The following RASGRP3 variants were observed in gnomAD, a reference collection of about 807,000 sequenced individuals.
The protein encoded by RASGRP3 is RAS guanyl releasing protein 3, also known as ras guanyl-releasing protein 3.
A neutral mutation model predicts 82.7 loss-of-function variants in RASGRP3; 54 were observed. That is an observed-to-expected ratio of 0.65 (90% confidence interval 0.52 to 0.82). The LOEUF (loss-of-function observed/expected upper bound fraction) is 0.82, where lower values mean the gene tolerates loss of function less well. Ranked by LOEUF, RASGRP3 falls within the 40% of genes least tolerant of loss-of-function variation. The probability of loss-of-function intolerance (pLI) is 0.00; values close to 1 mark genes in which losing one functional copy is unlikely to be tolerated. For missense variants in RASGRP3, 861 were observed against 828.9 expected (o/e 1.04, Z -0.48); for synonymous variants, 309 against 300.5 (o/e 1.03, Z -0.29).
intron 2 of RASGRP3, among the ~76,000 whole-genome samples, chr2:33,456,288 G>A (rs1223687564): frequency 6.6e-6 from 1 of 151,756 alleles, no homozygotes; most frequent in Non-Finnish European, 1.5e-5. Flanking sequence ...CATTTTAATG[G>A]TGAGTTTAGA....
upstream of RASGRP3, among the ~76,000 whole-genome samples, chr2:33,473,688 C>T (rs1216407998): frequency 4.6e-5 from 7 of 152,206 alleles, no homozygotes; most frequent in Non-Finnish European, 1.0e-4. Context: ...CCTTTAGTCA[C>T]ACTCCTGGAC....
chr2:33,538,479 G>T (rs927561050), intron 11 of RASGRP3, among the ~76,000 whole-genome samples: 1 of 151,302 alleles, frequency 6.6e-6, no homozygotes, highest in South Asian at 2.1e-4. Context: ...CTCCAGCCTG[G>T]GTGACAGAGA....
intron 2 of RASGRP3, among the ~76,000 whole-genome samples, chr2:33,466,776 A>G (rs1444315176): frequency 6.6e-6 from 1 of 152,180 alleles, no homozygotes; most frequent in Admixed American, 6.5e-5. Context: ...AGTATACTAT[A>G]AACATAAGTT....
intron 1 of RASGRP3, among the ~76,000 whole-genome samples, chr2:33,492,701 C>A (rs1258324150): frequency 2.6e-5 from 4 of 152,162 alleles, no homozygotes; most frequent in South Asian, 4.1e-4. Flanking sequence ...GACTTCTCAG[C>A]CTCCAGAGCT....
intron 17 of RASGRP3, among the ~76,000 whole-genome samples, chr2:33,562,516 C>A (rs1268706401): frequency 1.3e-5 from 2 of 152,078 alleles, no homozygotes; most frequent in Non-Finnish European, 2.9e-5. Context: ...AGTGATCCTC[C>A]CACCTCAGCC....
intron 1 of RASGRP3, among the ~76,000 whole-genome samples, chr2:33,497,340 CTG>C (rs1669420874): frequency 1.3e-5 from 2 of 152,222 alleles, no homozygotes; most frequent in Admixed American, 1.3e-4. Context: ...GGGTCTAAAA[CTG>C]TGAACTTGCA....
intron 2 of RASGRP3, among the ~76,000 whole-genome samples, chr2:33,461,854 C>G (rs1331525648): frequency 2.0e-5 from 3 of 152,078 alleles, no homozygotes; most frequent in South Asian, 2.1e-4. Flanking sequence ...GGGAGTGATA[C>G]TCCAGAAAAG....
intron 1 of RASGRP3, among the ~76,000 whole-genome samples, chr2:33,437,668 G>A (rs1017007131): frequency 2.0e-5 from 3 of 152,198 alleles, no homozygotes; most frequent in South Asian, 2.1e-4. Context: ...GCCAGGACTC[G>A]GCTCAGGCTC....
intron 4 of RASGRP3, 41 bp downstream of exon 4, chr2:33,516,685 C>A: frequency 1.5e-6 from 2 of 1,333,828 alleles, no homozygotes; most frequent in South Asian, 1.3e-5. Flanking sequence ...AATCATAAAT[C>A]AAGCTCTGTA....
chr2:33,499,270 A>T (rs1161087731), intron 1 of RASGRP3, among the ~76,000 whole-genome samples: 1 of 152,164 alleles, frequency 6.6e-6, no homozygotes, highest in East Asian at 1.9e-4. Flanking sequence ...ACAGTGATTG[A>T]AACCCCAGTT....
At chr2:33,446,500 T>G (rs1395064022) in intron 1 of RASGRP3, among the ~76,000 whole-genome samples, 1 of 152,056 alleles carries the variant, frequency 6.6e-6, no homozygotes, top group Non-Finnish European at 1.5e-5. Flanking sequence ...GATTTTTTTT[T>G]TTTTGGTTCC....
At chr2:33,495,584 ATGAAT>A in intron 1 of RASGRP3, among the ~76,000 whole-genome samples, 1 of 152,258 alleles carries the variant, frequency 6.6e-6, no homozygotes, top group Non-Finnish European at 1.5e-5. Context: ...AATGAGTGAA[ATGAAT>A]TAGGAATAAG....
chr2:33,539,243 C>A, intron 12 of RASGRP3, 33 bp downstream of exon 12: 1 of 1,430,066 alleles, frequency 7.0e-7, no homozygotes, highest in African/African-American at 1.4e-5. Context: ...AGAGAGGGCA[C>A]TAGAAGACCC....
At chr2:33,552,213 A>G (rs916157607) in intron 14 of RASGRP3, among the ~76,000 whole-genome samples, 5 of 152,142 alleles carry the variant, frequency 3.3e-5, no homozygotes, top group African/African-American at 1.2e-4. Context: ...ATGAAGTAGA[A>G]AGCTCTGGAC....
Position 33,543,647 on chromosome 2 carries a change from T to A in RASGRP3, c.1394+20T>A, listed in dbSNP as rs1674474070. ...AGATCAGTAAGTTTTAATTTTGTTT[T>A]ATTTTAATGCAACTATCCTAAAGCA... On this transcript the variant is annotated intron_variant, in intron 13 of 17. Transcript: ENST00000403687. 6.7e-7 allele frequency: 1 copy of A among 1,486,944 alleles called. No homozygotes were observed. Among genetic ancestry groups the A allele is most frequent in the African/African-American group, 1.4e-5 (1 of 72,150 alleles). The allele number at this position is 1,486,944 out of a possible 1,614,324, so 92.1% of individuals were successfully genotyped here.
rs781412054 is a variant in RASGRP3 at position 33,543,517 on chromosome 2, A to G, written c.1284A>G (p.Val428=). The G allele has an allele frequency of 3.1e-6, 5 of 1,591,080 alleles. No individual in the cohort carries two copies. In the African/African-American group the frequency reaches 5.4e-5, roughly 17 times the overall value. Residue 428 remains valine, a synonymous_variant, in exon 13 of 18, where the codon GTA becomes GTG. Coordinates refer to ENST00000403687, the MANE Select transcript of RASGRP3 (RefSeq NM_001139488.2). ...NKHIRKLVES[V]FRNYDHDHDG... ...TACTTATCTTTCCTTTGCAGTCTGT[A>G]TTTAGAAACTATGATCACGACCATG...
At chr2:33,551,865 C>T (rs1358060954) in intron 14 of RASGRP3, among the ~76,000 whole-genome samples, 2 of 151,086 alleles carry the variant, frequency 1.3e-5, no homozygotes, top group Non-Finnish European at 3.0e-5. Context: ...TGGTGGTGGG[C>T]GCCTGCAGTC....
At chr2:33,544,745 A>G (rs368547328) in intron 13 of RASGRP3, among the ~76,000 whole-genome samples, 81 of 152,324 alleles carry the variant, frequency 5.3e-4, no homozygotes, top group African/African-American at 1.6e-3. Context: ...CTGTAATGCC[A>G]GCACTGTGGG....
upstream of RASGRP3, among the ~76,000 whole-genome samples, chr2:33,474,392 G>A (rs1574279066): frequency 2.0e-5 from 3 of 152,188 alleles, no homozygotes; most frequent in Non-Finnish European, 2.9e-5. Flanking sequence ...CTGGAGTGCA[G>A]TGCAGTGGTG....
Sources: gnomAD v4.1 joint callset for allele counts (sites outside exome capture counted in the v4.1 genomes callset) on GRCh38, gnomAD v4.1.1 for gene constraint, MANE v1.5 for transcripts, NCBI Gene and HGNC (gene_info 2026-07-23, HGNC 2026-07-21) for gene names.